The following SMYD2 variants were observed in gnomAD, a reference collection of about 807,000 sequenced individuals.
The protein encoded by SMYD2 is N-lysine methyltransferase SMYD2.
A neutral mutation model predicts 59.1 loss-of-function variants in SMYD2; 53 were observed. The observed-to-expected ratio is 0.90, with a 90% CI of 0.72 to 1.13. The LOEUF is 1.13. Ranked by LOEUF, SMYD2 falls within the 50% of genes most tolerant of loss-of-function variation. The probability of loss-of-function intolerance (pLI) is 0.00; values close to 1 mark genes in which losing one functional copy is unlikely to be tolerated. For synonymous variants in SMYD2, 208 were observed against 198.8 expected (o/e 1.05, Z -0.39); for missense variants, 494 against 544.7 (o/e 0.91, Z 0.93).
At chr1:214,331,474 T>C (rs765836442) in intron 9 of SMYD2, 1 of 194,152 alleles carries the variant, frequency 5.2e-6, no homozygotes, top group Non-Finnish European at 1.1e-5. Context: ...GCCTGATAGA[T>C]ATTAAGTAAT....
Position 214,336,855 on chromosome 1 carries a change from T to TCC in SMYD2, c.*71_*72insCC. ...CCTTAAAGGATTTGAATATTTCAAA[T>TCC]TGCACACGTCACTCCAGCATCTCTG... On this transcript the variant is annotated 3_prime_UTR_variant, in exon 12 of 12. Coordinates refer to ENST00000366957, the MANE Select transcript of SMYD2 (RefSeq NM_020197.3). 7.5e-7 allele frequency: 1 copy of TCC among 1,328,652 alleles called. No homozygotes were observed. Among genetic ancestry groups the TCC allele is most frequent in the Non-Finnish European group, 1.1e-6 (1 of 944,394 alleles). The allele number at this position is 1,328,652 out of a possible 1,614,324, so 82.3% of individuals were successfully genotyped here. A position where few individuals can be genotyped will look rare whatever the true frequency, so the allele number is the denominator to read the frequency against.
rs1464339036 is a variant in SMYD2, at chr1:214,332,040, C to A, written c.960C>A (p.Ile320=). 2 of 1,613,510 alleles carry A rather than the reference C, an allele frequency of 1.2e-6. No homozygotes were observed. Among genetic ancestry groups the A allele is most frequent in the Admixed American group, 1.7e-5 (1 of 60,022 alleles). ...CACCCCCTAGTGAGCTGCTGGAGAT[C>A]TGCGAGCTCAGCCAGGAGAAGATGA... ...HYKSPSELLE[I]CELSQEKMSS... Residue 320 remains isoleucine, a synonymous_variant, in exon 10 of 12, where the codon ATC becomes ATA. Transcript: ENST00000366957.
chr1:214,316,843 T>C (rs934520834), intron 3 of SMYD2, among the ~76,000 whole-genome samples: 1 of 152,166 alleles, frequency 6.6e-6, no homozygotes, highest in African/African-American at 2.4e-5. Flanking sequence ...GGATCCTTAA[T>C]AACAGTTATT....
chr1:214,290,047 C>T (rs1169449091), intron 1 of SMYD2, among the ~76,000 whole-genome samples: 3 of 152,244 alleles, frequency 2.0e-5, no homozygotes, highest in South Asian at 4.1e-4. Context: ...AGTCACAAAG[C>T]ACACACCTCA....
At chr1:214,336,457 G>A (rs891599171) in intron 11 of SMYD2, among the ~76,000 whole-genome samples, 9 of 152,244 alleles carry the variant, frequency 5.9e-5, no homozygotes, top group East Asian at 1.9e-4. Context: ...GCGTGAACCC[G>A]GGATGCGGAG....
chr1:214,330,955 G>C lies in SMYD2; in HGVS notation c.822G>C (p.Lys274Asn). 6.2e-7 allele frequency: 1 copy of C among 1,614,154 alleles called. No individual in the cohort carries two copies. The highest frequency in any genetic ancestry group is 8.5e-7 in the Non-Finnish European group (1 of 1,180,026). ...CTTGTGGACGTTTCCTTCAGGATAA[G>C]GCCAAGGTGGAAATCCGGAAGCTCA... is the stretch of plus-strand genomic sequence containing the variant. ...CQECTTKDKDKAKVEIRKLSD... is the reference protein window; with the variant it reads ...CQECTTKDKDNAKVEIRKLSD... The change falls in exon 9 of 12, where the codon AAG becomes AAC. Residue 274 changes from lysine to asparagine, a missense_variant. Coordinates refer to ENST00000366957, the MANE Select transcript of SMYD2 (RefSeq NM_020197.3).
chr1:214,308,783 A>G (rs1035549597), intron 2 of SMYD2, among the ~76,000 whole-genome samples: 1 of 152,200 alleles, frequency 6.6e-6, no homozygotes, highest in Non-Finnish European at 1.5e-5. Context: ...GGGTGACCCA[A>G]GATCACCCAA....
chr1:214,321,886 T>C (rs1657177614), intron 5 of SMYD2, among the ~76,000 whole-genome samples: 2 of 152,210 alleles, frequency 1.3e-5, no homozygotes, highest in East Asian at 3.9e-4. Flanking sequence ...AAAATTGCTA[T>C]GTAAGTAGGC....
rs1028920558 is a variant in SMYD2, at chr1:214,312,715, A to G, written c.238-2047A>G. 1.2e-4 allele frequency among the ~76,000 whole-genome samples: 18 copies of G among 152,336 alleles called. No individual in the cohort carries two copies. Among genetic ancestry groups the G allele is most frequent in the Admixed American group, 1.2e-3 (18 of 15,302 alleles). The stretch of plus-strand genomic sequence containing the variant: ...CTTCTGTGGCTAAGTGCAGTGAGGC[A>G]GGTGAGAGTACGGTGGGGGATGATG... On this transcript the variant is annotated intron_variant, in intron 2 of 11. Transcript: ENST00000366957. This position sits in a 1 kb window ranked among gnomAD's most constrained non-coding sequence, Gnocchi z 4.1.
chr1:214,331,051 G>A lies in SMYD2; in HGVS notation c.918G>A (p.Arg306=), dbSNP rs763402795. The A allele has an allele frequency of 1.9e-6, 3 of 1,614,114 alleles. No homozygotes were observed. Among genetic ancestry groups the A allele is most frequent in the Non-Finnish European group, 2.5e-6 (3 of 1,180,048 alleles). ...CACGCAACGTCATTGAAGAGTTCCG[G>A]AGGGCCAAGCACTATAAATATATCC... ...RYARNVIEEF[R]RAKHYKSPSE... is the part of the protein sequence containing the mutation. Residue 306 remains arginine, a synonymous_variant, in exon 9 of 12, where the codon CGG becomes CGA. Transcript: ENST00000366957.
At chr1:214,330,050 C>G (rs1253249778) in intron 7 of SMYD2, 118 bp from the exon 8 acceptor site, 1 of 584,844 alleles carries the variant, frequency 1.7e-6, no homozygotes, top group Non-Finnish European at 2.9e-6. Context: ...GCGCATTCCT[C>G]CGCTGCAGCC....
At position 214,281,299 on chromosome 1, in the gene SMYD2, G is replaced by T; in HGVS notation, c.45G>T (p.Pro15=). ...GLGGLERFCS[P]GKGRGLRALQ... Reference sequence around the variant, plus strand: ...GCGGCCTGGAGCGCTTCTGCAGCCCGGGCAAAGGCCGGGGGCTGCGGGCTC... The same window carrying T: ...GCGGCCTGGAGCGCTTCTGCAGCCCTGGCAAAGGCCGGGGGCTGCGGGCTC... The change falls in exon 1 of 12, where the codon CCG becomes CCT. Residue 15 remains proline (P), a synonymous_variant. Transcript: ENST00000366957. The T allele has an allele frequency of 7.4e-7, 1 of 1,358,838 alleles. No homozygotes were observed. Among genetic ancestry groups the T allele is most frequent in the East Asian group, 2.9e-5 (1 of 34,166 alleles). 84.2% of individuals were successfully genotyped at this position (1,358,838 alleles called of 1,614,324 possible). A position where few individuals can be genotyped will look rare whatever the true frequency, so the allele number is the denominator to read the frequency against.
chr1:214,330,265 C>T lies in SMYD2; in HGVS notation c.803C>T (p.Thr268Ile). The change falls in exon 8 of 12, where the codon ACC (threonine) becomes ATC (isoleucine). Residue 268 changes from threonine (T) to isoleucine (I), a missense_variant. Physicochemically the swap from Thr to Ile is moderately conservative, Grantham distance 89. Transcript: ENST00000366957. ...YFFTCECQECTTKDKDKAKVE... is the reference protein window; with the variant it reads ...YFFTCECQECITKDKDKAKVE... ...TTTACCTGTGAGTGCCAGGAGTGTACCACCAAGGACAAGGTAAGGTTGTTC... is the reference window on the plus strand; with the variant it reads ...TTTACCTGTGAGTGCCAGGAGTGTATCACCAAGGACAAGGTAAGGTTGTTC... 6.2e-7 allele frequency: 1 copy of T among 1,610,446 alleles called. No homozygotes were observed. The highest frequency in any genetic ancestry group is 8.5e-7 in the Non-Finnish European group (1 of 1,177,348).
chr1:214,299,046 G>A (rs978025610), intron 1 of SMYD2, among the ~76,000 whole-genome samples: 4 of 152,174 alleles, frequency 2.6e-5, no homozygotes, highest in African/African-American at 9.7e-5. Flanking sequence ...AGCTACTTGG[G>A]AGGCTGAGGT....
chr1:214,287,312 C>T (rs950165329), intron 1 of SMYD2, among the ~76,000 whole-genome samples: 8 of 151,776 alleles, frequency 5.3e-5, no homozygotes, highest in African/African-American at 1.4e-4. Flanking sequence ...ATTGGCTGGG[C>T]GCGGTGGCTC....
At chr1:214,292,303 A>G (rs980319978) in intron 1 of SMYD2, among the ~76,000 whole-genome samples, 5 of 152,170 alleles carry the variant, frequency 3.3e-5, no homozygotes, top group African/African-American at 1.2e-4. Context: ...ATAGTAATGA[A>G]TGCACACATA....
chr1:214,281,322 C>T lies in SMYD2; in HGVS notation c.68C>T (p.Ala23Val), dbSNP rs1417565843. 1 of 1,421,664 alleles carries T rather than the reference C, an allele frequency of 7.0e-7. No homozygotes were observed. The allele number at this position is 1,421,664 out of a possible 1,614,324, so 88.1% of individuals were successfully genotyped here. A position where few individuals can be genotyped will look rare whatever the true frequency, so the allele number is the denominator to read the frequency against. Residue 23 changes from alanine (A) to valine (V), a missense_variant, in exon 1 of 12, where the codon GCT (alanine) becomes GTT (valine). Transcript: ENST00000366957. Reference sequence around the variant, plus strand: ...CCGGGCAAAGGCCGGGGGCTGCGGGCTCTGCAGCCCTTCCAGGTGGGGGAC... The same window carrying T: ...CCGGGCAAAGGCCGGGGGCTGCGGGTTCTGCAGCCCTTCCAGGTGGGGGAC... ...CSPGKGRGLR[A>V]LQPFQVGDLL...
At chr1:214,317,747 G>A (rs1201577878) in intron 3 of SMYD2, among the ~76,000 whole-genome samples, 1 of 152,188 alleles carries the variant, frequency 6.6e-6, no homozygotes, top group Admixed American at 6.5e-5. Context: ...TAATAAATAG[G>A]ATGGTTTGTC....
At chr1:214,299,180 AGATGCTGGT>A (rs567788204) in intron 1 of SMYD2, among the ~76,000 whole-genome samples, 133 of 152,292 alleles carry the variant, frequency 8.7e-4, no homozygotes, top group African/African-American at 3.0e-3. Flanking sequence ...AAAAAATAAC[AGATGCTGGT>A]GAGGCTGTGG....
Sources: allele counts gnomAD v4.1 joint callset (sites outside exome capture counted in the v4.1 genomes callset), GRCh38; gene constraint gnomAD v4.1.1; non-coding constraint Gnocchi (gnomAD v3.1); transcripts MANE v1.5; gene names NCBI Gene and HGNC (gene_info 2026-07-23, HGNC 2026-07-21).